The following SYT1 variants were observed in gnomAD, a reference collection of about 807,000 sequenced individuals.
The protein encoded by SYT1 is synaptotagmin-1.
A neutral mutation model predicts 44.8 loss-of-function variants in SYT1; 8 were observed. That is an observed-to-expected ratio of 0.18 (90% CI 0.10 to 0.32). The LOEUF is 0.32. Ranked by LOEUF, SYT1 falls within the 10% of genes least tolerant of loss-of-function variation. The probability of loss-of-function intolerance (pLI) is 1.00; values close to 1 mark genes in which losing one functional copy is unlikely to be tolerated. For synonymous variants in SYT1, 154 were observed against 188.8 expected, an observed-to-expected ratio of 0.82 and a Z score of 1.51; for missense variants, 286 against 509.3, an observed-to-expected ratio of 0.56 and a Z score of 4.22.
chr12:79,039,617 TA>T (rs377227278), intron 2 of SYT1, among the ~76,000 whole-genome samples: 14,619 of 148,472 alleles, frequency 0.098, 772 homozygotes, highest in East Asian at 0.22. Flanking sequence ...TATTTATTTT[TA>T]TTTTTTTATT....
intron 8 of SYT1, among the ~76,000 whole-genome samples, chr12:79,321,650 C>T (rs1404252890): frequency 2.0e-5 from 3 of 152,266 alleles, no homozygotes; most frequent in South Asian, 4.1e-4. Context: ...ATCATTTAGG[C>T]CAGGGCTGCT....
intron 1 of SYT1, among the ~76,000 whole-genome samples, chr12:78,897,860 T>C (rs1231124370): frequency 6.6e-6 from 1 of 151,964 alleles, no homozygotes; most frequent in Non-Finnish European, 1.5e-5. Context: ...ATGAAGTTAG[T>C]GTACACAGCA....
intron 3 of SYT1, among the ~76,000 whole-genome samples, chr12:79,163,579 A>G (rs558217343): frequency 6.6e-6 from 1 of 152,082 alleles, no homozygotes; most frequent in Non-Finnish European, 1.5e-5. Context: ...GTAGCCTCAC[A>G]AGGTCAGTAA....
chr12:78,898,395 C>T (rs775402478), intron 1 of SYT1, among the ~76,000 whole-genome samples: 1 of 152,040 alleles, frequency 6.6e-6, no homozygotes, highest in Non-Finnish European at 1.5e-5. Context: ...CAAGTTGGTG[C>T]TTGAACATTT....
chr12:79,155,760 T>A (rs1013957052), intron 3 of SYT1, among the ~76,000 whole-genome samples: 1 of 152,194 alleles, frequency 6.6e-6, no homozygotes, highest in Non-Finnish European at 1.5e-5. Flanking sequence ...CTGACAGACT[T>A]TTAGTGATGA....
At chr12:79,262,987 G>T (rs1877915113) in intron 4 of SYT1, among the ~76,000 whole-genome samples, 2 of 152,198 alleles carry the variant, frequency 1.3e-5, no homozygotes, top group Non-Finnish European at 1.5e-5. Context: ...AAAGCTTGGA[G>T]CACAGGGTTC....
At chr12:79,289,774 A>G (rs1372821207) in intron 5 of SYT1, among the ~76,000 whole-genome samples, 1 of 152,116 alleles carries the variant, frequency 6.6e-6, no homozygotes, top group Non-Finnish European at 1.5e-5. Context: ...GAGGCAAATT[A>G]CCGAAGCTGC....
chr12:79,404,991 T>G (rs941162050), intron 9 of SYT1, among the ~76,000 whole-genome samples: 1 of 152,160 alleles, frequency 6.6e-6, no homozygotes, highest in Non-Finnish European at 1.5e-5. Flanking sequence ...TGTGTCCAGA[T>G]GGAATAGAGA....
intron 2 of SYT1, among the ~76,000 whole-genome samples, chr12:79,035,142 A>G (rs1873047623): frequency 6.6e-6 from 1 of 151,716 alleles, no homozygotes; most frequent in African/African-American, 2.4e-5. Flanking sequence ...GCTCAGAACT[A>G]TAAAAATCTC....
At chr12:78,926,239 G>A (rs1877298314) in intron 1 of SYT1, among the ~76,000 whole-genome samples, 1 of 152,052 alleles carries the variant, frequency 6.6e-6, no homozygotes, top group African/African-American at 2.4e-5. Context: ...AACAAATAAA[G>A]CAAGCACTAC....
intron 9 of SYT1, among the ~76,000 whole-genome samples, chr12:79,380,276 A>G (rs1884162549): frequency 6.6e-6 from 1 of 152,242 alleles, no homozygotes; most frequent in Admixed American, 6.5e-5. Flanking sequence ...AACAAGTCCC[A>G]GAGTTTAGAG....
intron 3 of SYT1, among the ~76,000 whole-genome samples, chr12:79,057,248 T>G (rs1875018893): frequency 6.6e-6 from 1 of 152,080 alleles, no homozygotes; most frequent in African/African-American, 2.4e-5. Context: ...TTCTTATGGT[T>G]AATATGAATT....
At chr12:78,944,207 A>G (rs889351411) in intron 1 of SYT1, among the ~76,000 whole-genome samples, 2 of 128,174 alleles carry the variant, frequency 1.6e-5, no homozygotes, top group African/African-American at 2.8e-5. Context: ...TTTTCTTTTT[A>G]AACAGTTAAA....
intron 4 of SYT1, among the ~76,000 whole-genome samples, chr12:79,236,593 A>G (rs993573783): frequency 3.3e-5 from 5 of 152,212 alleles, no homozygotes; most frequent in Non-Finnish European, 5.9e-5. Context: ...ACCAAGTGGT[A>G]TTACTATAAG....
At chr12:79,010,708 C>A (rs901177954) in intron 2 of SYT1, among the ~76,000 whole-genome samples, 1 of 152,112 alleles carries the variant, frequency 6.6e-6, no homozygotes, top group African/African-American at 2.4e-5. Flanking sequence ...CTCATAAAGT[C>A]CTGTCCTGCT....
At chr12:79,238,543 G>A (rs1235446957) in intron 4 of SYT1, among the ~76,000 whole-genome samples, 4 of 152,188 alleles carry the variant, frequency 2.6e-5, no homozygotes, top group African/African-American at 9.7e-5. Flanking sequence ...AGCGGTGAGC[G>A]TGAACTGTTC....
At chr12:79,142,484 A>G (rs1263108047) in intron 3 of SYT1, among the ~76,000 whole-genome samples, 1 of 152,236 alleles carries the variant, frequency 6.6e-6, no homozygotes, top group Non-Finnish European at 1.5e-5. Flanking sequence ...AGATGTAAAG[A>G]AAAACAAATC....
At chr12:79,291,611 T>G (rs148950886) in intron 5 of SYT1, among the ~76,000 whole-genome samples, 11 of 152,230 alleles carry the variant, frequency 7.2e-5, no homozygotes, top group African/African-American at 2.7e-4. Flanking sequence ...GATGATATTT[T>G]ATATGATGCT....
intron 2 of SYT1, among the ~76,000 whole-genome samples, chr12:78,992,707 G>A (rs1021012087): frequency 4.6e-5 from 7 of 152,154 alleles, no homozygotes; most frequent in Admixed American, 3.9e-4. Context: ...CTGGCATTCA[G>A]CACCACTAGA....
Sources: allele counts gnomAD v4.1 joint callset (sites outside exome capture counted in the v4.1 genomes callset), GRCh38; gene constraint gnomAD v4.1.1; transcripts MANE v1.5; gene names NCBI Gene and HGNC (gene_info 2026-07-23, HGNC 2026-07-21).